The following FSTL5 variants were observed in gnomAD, a reference collection of about 807,000 sequenced individuals.
FSTL5 encodes the protein follistatin-related protein 5.
In FSTL5, 62 loss-of-function variants were observed where a neutral mutation model predicts 89.1. That is an observed-to-expected ratio of 0.70 (90% CI 0.57 to 0.86). The LOEUF is 0.86. FSTL5 is among the 40% of genes least tolerant of loss of function. The probability of loss-of-function intolerance (pLI) is 0.00; values close to 1 mark genes in which losing one functional copy is unlikely to be tolerated. For missense variants in FSTL5, 1,057 were observed against 1,001.6 expected (o/e 1.06, Z -0.75); for synonymous variants, 383 against 346.2 (o/e 1.11, Z -1.18).
chr4:162,090,791 C>G (rs1469335199), intron 2 of FSTL5, among the ~76,000 whole-genome samples: 1 of 151,806 alleles, frequency 6.6e-6, no homozygotes, highest in Non-Finnish European at 1.5e-5. Context: ...TGCACTCCAA[C>G]CAGAGCAACA....
chr4:161,772,499 T>C (rs1741243271), intron 5 of FSTL5, among the ~76,000 whole-genome samples: 1 of 148,714 alleles, frequency 6.7e-6, no homozygotes, highest in South Asian at 2.1e-4. Flanking sequence ...AATTCAGCAG[T>C]TTCAGGATAC....
chr4:161,939,289 A>G (rs1734514478), intron 3 of FSTL5, among the ~76,000 whole-genome samples: 1 of 151,992 alleles, frequency 6.6e-6, no homozygotes, highest in African/African-American at 2.4e-5. Flanking sequence ...AAATTGGAAC[A>G]GTGAGCAAAA....
intron 11 of FSTL5, among the ~76,000 whole-genome samples, chr4:161,510,111 T>C (rs904053911): frequency 6.6e-6 from 1 of 152,184 alleles, no homozygotes; most frequent in Non-Finnish European, 1.5e-5. Flanking sequence ...ATGTAAATTA[T>C]GTTTAACTGA....
chr4:161,514,866 T>A (rs1467349576), intron 10 of FSTL5, among the ~76,000 whole-genome samples: 1 of 152,118 alleles, frequency 6.6e-6, no homozygotes, highest in African/African-American at 2.4e-5. Context: ...TTTCTATATT[T>A]TTCTTCTGTA....
intron 10 of FSTL5, among the ~76,000 whole-genome samples, chr4:161,525,369 G>T (rs568846302): frequency 2.0e-5 from 3 of 152,238 alleles, no homozygotes; most frequent in South Asian, 4.1e-4. Flanking sequence ...AAAAGCTCTT[G>T]TCACCTTCTA....
intron 4 of FSTL5, among the ~76,000 whole-genome samples, chr4:161,823,780 A>G (rs1471901787): frequency 1.3e-5 from 2 of 152,202 alleles, no homozygotes; most frequent in African/African-American, 4.8e-5. Flanking sequence ...ATGGGCCACC[A>G]CTGCCATCAA....
chr4:161,639,415 T>A (rs910152970), intron 7 of FSTL5, among the ~76,000 whole-genome samples: 5 of 152,216 alleles, frequency 3.3e-5, no homozygotes. Context: ...TATAGGTGTA[T>A]TATTTATTTA....
chr4:161,439,741 G>A (rs1437031524), intron 15 of FSTL5, among the ~76,000 whole-genome samples: 3 of 151,640 alleles, frequency 2.0e-5, no homozygotes, highest in African/African-American at 7.3e-5. Context: ...CACCCCACAC[G>A]CACACGTGTG....
intron 7 of FSTL5, among the ~76,000 whole-genome samples, chr4:161,630,651 GA>G (rs1349380079): frequency 2.0e-5 from 3 of 152,154 alleles, no homozygotes; most frequent in African/African-American, 7.2e-5. Flanking sequence ...CCACAAAGAT[GA>G]ATAATAAATA....
intron 8 of FSTL5, among the ~76,000 whole-genome samples, chr4:161,559,748 T>C (rs1732522183): frequency 6.6e-6 from 1 of 151,966 alleles, no homozygotes. Flanking sequence ...TGTTCATGCC[T>C]TACTTAATGA....
chr4:162,046,330 T>G (rs2111241549), intron 2 of FSTL5, among the ~76,000 whole-genome samples: 1 of 152,090 alleles, frequency 6.6e-6, no homozygotes, highest in South Asian at 2.1e-4. Flanking sequence ...ATTTGCTGAG[T>G]TATGGGGTAA....
chr4:161,474,538 T>A (rs1371561969), intron 13 of FSTL5, among the ~76,000 whole-genome samples: 1 of 134,624 alleles, frequency 7.4e-6, no homozygotes, highest in Non-Finnish European at 1.6e-5. Flanking sequence ...CAAGTTATTG[T>A]GTAGTGGTTT....
intron 3 of FSTL5, among the ~76,000 whole-genome samples, chr4:162,000,997 G>T (rs1736447546): frequency 6.6e-6 from 1 of 152,128 alleles, no homozygotes; most frequent in Non-Finnish European, 1.5e-5. Context: ...ATATGAAATG[G>T]AATTTGATAT....
At chr4:162,154,327 G>GA (rs1554004079) in intron 1 of FSTL5, among the ~76,000 whole-genome samples, 2 of 152,042 alleles carry the variant, frequency 1.3e-5, no homozygotes, top group African/African-American at 2.4e-5. Flanking sequence ...ACATAAACAA[G>GA]AAAAAAGTAT....
chr4:161,923,187 A>G (rs955517606), intron 3 of FSTL5, among the ~76,000 whole-genome samples: 1 of 151,890 alleles, frequency 6.6e-6, no homozygotes, highest in African/African-American at 2.4e-5. Context: ...TTTGGCCTAT[A>G]ATAGCTCATT....
At chr4:161,674,636 C>A (rs1044502537) in intron 6 of FSTL5, among the ~76,000 whole-genome samples, 2 of 152,196 alleles carry the variant, frequency 1.3e-5, no homozygotes, top group African/African-American at 2.4e-5. Flanking sequence ...CTATGTCACA[C>A]TGCAAAGTGT....
chr4:161,862,579 A>G (rs1731952494), intron 4 of FSTL5, among the ~76,000 whole-genome samples: 1 of 152,040 alleles, frequency 6.6e-6, no homozygotes, highest in Admixed American at 6.6e-5. Flanking sequence ...CTAAAAATAC[A>G]AAATTAGCTG....
chr4:161,454,844 T>C (rs1394845459), intron 15 of FSTL5, among the ~76,000 whole-genome samples, 160 bp downstream of exon 15: 1 of 152,238 alleles, frequency 6.6e-6, no homozygotes, highest in Non-Finnish European at 1.5e-5. Flanking sequence ...TCACTAGTGT[T>C]GATAAACAAA....
chr4:161,534,895 A>G (rs530151554), intron 10 of FSTL5, among the ~76,000 whole-genome samples: 6 of 152,140 alleles, frequency 3.9e-5, no homozygotes, highest in Non-Finnish European at 8.8e-5. Flanking sequence ...ATGGAATGAA[A>G]CAGACACCCC....
Sources: gnomAD v4.1 joint callset for allele counts (sites outside exome capture counted in the v4.1 genomes callset) on GRCh38, gnomAD v4.1.1 for gene constraint, MANE v1.5 for transcripts, NCBI Gene and HGNC (gene_info 2026-07-23, HGNC 2026-07-21) for gene names.